Variants in NDST4 observed in about 807,000 individuals in gnomAD.
NDST4 encodes the protein N-heparan sulfate sulfotransferase 4.
A neutral mutation model predicts 100.8 loss-of-function variants in NDST4; 63 were observed. That is an observed-to-expected ratio of 0.62 (90% CI 0.51 to 0.77). The LOEUF (loss-of-function observed/expected upper bound fraction) is 0.77. NDST4 is among the 30% of genes least tolerant of loss of function. The pLI is 0.00. For missense variants in NDST4, 943 were observed against 1,018.4 expected (o/e 0.93, Z 1.01); for synonymous variants, 377 against 361.8 (o/e 1.04, Z -0.48).
At position 115,048,722 on chromosome 4, in the gene NDST4, C is replaced by G. The variant is rs560371853; in HGVS notation, c.978+27337G>C. Among the ~76,000 whole-genome samples the G allele has an allele frequency of 2.0e-5, 3 of 152,198 alleles. No individual in the cohort carries two copies. The East Asian group carries it at 5.8e-4, about 29-fold the overall frequency. ...GCATGATCTGGGCTCATGGCAACCTCCGCCTCCGTGGTTCAAGCGATTCTC... is the reference window on the plus strand; with the variant it reads ...GCATGATCTGGGCTCATGGCAACCTGCGCCTCCGTGGTTCAAGCGATTCTC... On this transcript the variant is annotated intron_variant, in intron 2 of 13. Coordinates refer to ENST00000264363, the MANE Select transcript of NDST4 (RefSeq NM_022569.3).
chr4:115,059,763 A>G (rs1728779893), intron 2 of NDST4, among the ~76,000 whole-genome samples: 1 of 152,164 alleles, frequency 6.6e-6, no homozygotes, highest in South Asian at 2.1e-4. Context: ...AGTCATTTCA[A>G]GGTTTTCTAA....
At chr4:115,086,390 A>C (rs1729410596) in intron 1 of NDST4, among the ~76,000 whole-genome samples, 1 of 152,120 alleles carries the variant, frequency 6.6e-6, no homozygotes, top group Non-Finnish European at 1.5e-5. Flanking sequence ...TTCTGCAGAA[A>C]TGATCTTTTC....
intron 1 of NDST4, among the ~76,000 whole-genome samples, chr4:115,109,059 G>A (rs1729888804): frequency 6.7e-6 from 1 of 149,684 alleles, no homozygotes; most frequent in East Asian, 2.0e-4. Context: ...AAGAAAGGAA[G>A]GGAGGAAGGA....
intron 2 of NDST4, among the ~76,000 whole-genome samples, chr4:115,049,531 A>G (rs1263805447): frequency 3.9e-5 from 6 of 152,144 alleles, no homozygotes; most frequent in Non-Finnish European, 8.8e-5. Flanking sequence ...TCAGGTAAAA[A>G]AGTAATCACT....
intron 13 of NDST4, among the ~76,000 whole-genome samples, chr4:114,829,425 T>A (rs1453758979): frequency 6.6e-6 from 1 of 152,214 alleles, no homozygotes; most frequent in Non-Finnish European, 1.5e-5. Flanking sequence ...ATGTAGGCCT[T>A]GAATATCTGT....
chr4:115,071,382 C>T (rs781623094), intron 2 of NDST4, among the ~76,000 whole-genome samples: 8 of 151,650 alleles, frequency 5.3e-5, no homozygotes, highest in Admixed American at 2.6e-4. Context: ...AATGCTCTTG[C>T]TATTCCAGTC....
Position 115,076,025 on chromosome 4 carries a change from T to C in NDST4, c.978+34A>G, listed in dbSNP as rs777559475. ...ATTTTATCGGTACCATATTGTGAAA[T>C]ACAAATTTCGATGTTGTCTATAAAT... On this transcript the variant is annotated intron_variant, in intron 2 of 13. Coordinates refer to ENST00000264363, the MANE Select transcript of NDST4 (RefSeq NM_022569.3). 28 of 1,557,346 alleles carry C rather than the reference T, an allele frequency of 1.8e-5. No homozygotes were observed. In the South Asian group the frequency reaches 3.3e-4, roughly 19 times the overall value.
At chr4:114,882,941 A>C (rs1020297425) in intron 6 of NDST4, among the ~76,000 whole-genome samples, 8 of 152,080 alleles carry the variant, frequency 5.3e-5, no homozygotes, top group African/African-American at 1.9e-4. Flanking sequence ...GAGTGGAATA[A>C]AATATTCAAA....
At chr4:114,879,518 C>T (rs1724322328) in intron 6 of NDST4, among the ~76,000 whole-genome samples, 1 of 152,164 alleles carries the variant, frequency 6.6e-6, no homozygotes, top group South Asian at 2.1e-4. Flanking sequence ...AGGCCACTCA[C>T]TACCTGACAT....
chr4:114,879,453 TAC>T (rs1282490000), intron 6 of NDST4, among the ~76,000 whole-genome samples: 1 of 152,128 alleles, frequency 6.6e-6, no homozygotes, highest in African/African-American at 2.4e-5. Context: ...TCCCCTCCTC[TAC>T]ACACCTAAAT....
chr4:114,842,032 C>T (rs1317365467), intron 10 of NDST4, among the ~76,000 whole-genome samples: 3 of 152,080 alleles, frequency 2.0e-5, no homozygotes, highest in Non-Finnish European at 2.9e-5. Context: ...GTCTTCTTTA[C>T]TTTGGTATTA....
intron 2 of NDST4, among the ~76,000 whole-genome samples, chr4:115,002,899 TA>T (rs1431064941): frequency 6.6e-6 from 1 of 152,112 alleles, no homozygotes; most frequent in African/African-American, 2.4e-5. Context: ...TATGCAGCCA[TA>T]AAAAAGAATG....
intron 4 of NDST4, among the ~76,000 whole-genome samples, chr4:114,963,254 A>G (rs1228869697): frequency 2.0e-5 from 3 of 152,176 alleles, no homozygotes; most frequent in African/African-American, 7.2e-5. Context: ...TGTCAATAAA[A>G]AGGAATGAAG....
chr4:115,033,230 T>A (rs1419479163), intron 2 of NDST4, among the ~76,000 whole-genome samples: 2 of 148,526 alleles, frequency 1.3e-5, no homozygotes, highest in Non-Finnish European at 3.0e-5. Flanking sequence ...CATGGCTCAC[T>A]GCAGCACTGA....
At chr4:114,855,672 A>G (rs113592654) in intron 7 of NDST4, among the ~76,000 whole-genome samples, 3 of 152,202 alleles carry the variant, frequency 2.0e-5, no homozygotes, top group African/African-American at 7.2e-5. Flanking sequence ...TTTGGTTCCT[A>G]TAGCTCTGTA....
intron 4 of NDST4, among the ~76,000 whole-genome samples, chr4:114,967,794 AAAT>A (rs1193009014): frequency 3.3e-4 from 50 of 152,164 alleles, no homozygotes; most frequent in African/African-American, 1.2e-3. Context: ...TTTTTAAAAA[AAAT>A]TAGGTGTTTT....
intron 2 of NDST4, among the ~76,000 whole-genome samples, chr4:115,041,551 T>C (rs1728352221): frequency 6.6e-6 from 1 of 152,168 alleles, no homozygotes; most frequent in Admixed American, 6.6e-5. Flanking sequence ...GCTAATGATA[T>C]TCTCTGAGAA....
At chr4:115,046,316 C>T (rs1728463311) in intron 2 of NDST4, among the ~76,000 whole-genome samples, 1 of 152,168 alleles carries the variant, frequency 6.6e-6, no homozygotes, top group East Asian at 1.9e-4. Context: ...AGAAGGAAAA[C>T]TAAGATGAGA....
At chr4:115,003,311 T>G (rs1289284369) in intron 2 of NDST4, among the ~76,000 whole-genome samples, 5 of 152,190 alleles carry the variant, frequency 3.3e-5, no homozygotes, top group Non-Finnish European at 7.3e-5. Flanking sequence ...CTTTGGCTAC[T>G]ACTGGCCATA....
Sources: allele counts gnomAD v4.1 joint callset (sites outside exome capture counted in the v4.1 genomes callset), GRCh38; gene constraint gnomAD v4.1.1; transcripts MANE v1.5; gene names NCBI Gene and HGNC (gene_info 2026-07-23, HGNC 2026-07-21).